The following DACH2 variants were observed in gnomAD, a reference collection of about 807,000 sequenced individuals.
The protein encoded by DACH2 is dachshund homolog 2.
In DACH2, 17 loss-of-function variants were observed where a neutral mutation model predicts 35.8. The ratio of observed to expected loss-of-function variants is 0.48; its 90% confidence interval spans 0.33 to 0.71. The LOEUF is 0.71. Among genes scored for constraint, DACH2 ranks in the 30% least tolerant of loss-of-function variants. The pLI is 0.02. For missense variants in DACH2, 469 were observed against 472.7 expected (o/e 0.99, Z 0.07); for synonymous variants, 195 against 177.3 (o/e 1.10, Z -0.79).
chrX:86,577,220 G>A (rs1468657815), intron 3 of DACH2, among the ~76,000 whole-genome samples: 1 of 111,041 alleles, frequency 9.0e-6, no homozygotes, highest in Non-Finnish European at 1.9e-5. Flanking sequence ...TTGTTTCTGA[G>A]TGCTTGTGTG....
intron 3 of DACH2, among the ~76,000 whole-genome samples, chrX:86,610,824 G>C (rs1225355243): frequency 9.0e-6 from 1 of 110,813 alleles, no homozygotes; most frequent in African/African-American, 3.3e-5. Flanking sequence ...ACTCCCTTCT[G>C]GCCCAGGGCA....
chrX:86,528,212 T>G (rs2038661743), intron 3 of DACH2, among the ~76,000 whole-genome samples: 1 of 111,297 alleles, frequency 9.0e-6, no homozygotes, highest in Non-Finnish European at 1.9e-5. Flanking sequence ...TTGCTTAGGG[T>G]CAGTCTAGTA....
At chrX:86,278,284 C>T (rs2033956777) in intron 1 of DACH2, among the ~76,000 whole-genome samples, 1 of 112,082 alleles carries the variant, frequency 8.9e-6, no homozygotes, top group South Asian at 3.7e-4. Flanking sequence ...CATCGCATAA[C>T]CAATGCTTCA....
chrX:86,450,562 A>G (rs2037357008), intron 2 of DACH2, among the ~76,000 whole-genome samples: 1 of 110,805 alleles, frequency 9.0e-6, no homozygotes, highest in Admixed American at 9.7e-5. Context: ...TGATAGAAGG[A>G]TTTATATTCC....
chrX:86,338,786 T>C (rs1412474115), intron 1 of DACH2, among the ~76,000 whole-genome samples: 1 of 111,445 alleles, frequency 9.0e-6, no homozygotes, highest in East Asian at 2.8e-4. Flanking sequence ...GGAGCTGGTT[T>C]TTTGAAAAGG....
intron 3 of DACH2, among the ~76,000 whole-genome samples, chrX:86,587,327 T>C (rs1200024265): frequency 9.0e-6 from 1 of 111,596 alleles, no homozygotes; most frequent in Non-Finnish European, 1.9e-5. Context: ...GACTATGGGG[T>C]CTTATAGATA....
At chrX:86,290,527 GT>G (rs1569332578) in intron 1 of DACH2, among the ~76,000 whole-genome samples, 1 of 102,226 alleles carries the variant, frequency 9.8e-6, no homozygotes, top group Non-Finnish European at 2.0e-5. Context: ...TAATGCCTAG[GT>G]TTTCTTCTAG....
chrX:86,560,300 C>T (rs868363294), intron 3 of DACH2, among the ~76,000 whole-genome samples: 181 of 60,899 alleles, frequency 3.0e-3, no homozygotes, highest in South Asian at 0.013. Context: ...GGGTTTCTGC[C>T]GAGAGATCCG....
At chrX:86,671,880 A>T (rs2040769407) in intron 4 of DACH2, among the ~76,000 whole-genome samples, 1 of 111,617 alleles carries the variant, frequency 9.0e-6, no homozygotes, top group Admixed American at 9.5e-5. Flanking sequence ...AGATGAGGGA[A>T]GTTTGGAACT....
intron 1 of DACH2, among the ~76,000 whole-genome samples, chrX:86,283,871 T>C (rs771870903): frequency 0.026 from 2,669 of 102,138 alleles, 70 homozygotes; most frequent in Admixed American, 0.097. Flanking sequence ...TTAAAGTATA[T>C]ACACACACAC....
chrX:86,793,178 A>T (rs762535886), intron 7 of DACH2, among the ~76,000 whole-genome samples: 1 of 110,551 alleles, frequency 9.0e-6, no homozygotes, highest in Non-Finnish European at 1.9e-5. Context: ...AGACATGTCT[A>T]TTCATGTCCT....
intron 1 of DACH2, among the ~76,000 whole-genome samples, chrX:86,196,361 A>T (rs1285153273): frequency 9.0e-6 from 1 of 111,203 alleles, no homozygotes; most frequent in Non-Finnish European, 1.9e-5. Flanking sequence ...GCTCTCTAAA[A>T]TAAGACAGGC....
At chrX:86,828,443 T>A (rs2042582186) in intron 11 of DACH2, 1 of 111,278 alleles carries the variant, frequency 9.0e-6, no homozygotes, top group Non-Finnish European at 1.9e-5. Flanking sequence ...AGCACATTCC[T>A]GATTTGTAAA....
chrX:86,402,169 C>A (rs963648874), intron 2 of DACH2, among the ~76,000 whole-genome samples: 2 of 111,353 alleles, frequency 1.8e-5, no homozygotes, highest in Admixed American at 1.9e-4. Context: ...AACATAGTGG[C>A]GGAGGTTTTA....
At chrX:86,811,397 A>G (rs1487673656) in intron 7 of DACH2, among the ~76,000 whole-genome samples, 1 of 111,724 alleles carries the variant, frequency 9.0e-6, no homozygotes, top group Non-Finnish European at 1.9e-5. Flanking sequence ...AATGAAGTCC[A>G]TATTCCATAC....
chrX:86,554,269 A>G (rs2039088077), intron 3 of DACH2, among the ~76,000 whole-genome samples: 1 of 111,459 alleles, frequency 9.0e-6, no homozygotes, highest in African/African-American at 3.3e-5. Flanking sequence ...TATTATTAAT[A>G]GTAACAATCT....
In DACH2 at chrX:86,529,508, C is replaced by T. The variant is rs369343315; in HGVS notation, c.640+15117C>T. 4.4e-4 allele frequency among the ~76,000 whole-genome samples: 46 copies of T among 104,696 alleles called. 2 individuals are homozygous for T. Among genetic ancestry groups the T allele is most frequent in the Admixed American group, 2.7e-3 (26 of 9,755 alleles). 90.9% of individuals were successfully genotyped at this position (104,696 alleles called of 115,157 possible). On this transcript the variant is annotated intron_variant, in intron 3 of 11. Coordinates refer to ENST00000373125, the MANE Select transcript of DACH2 (RefSeq NM_053281.3). ...TTTTTTTTTGAGATGGAGTCTCGCTCGTCGCCCAGGCTGGAGTGCAGTGGC... is the reference window on the plus strand; with the variant it reads ...TTTTTTTTTGAGATGGAGTCTCGCTTGTCGCCCAGGCTGGAGTGCAGTGGC...
At chrX:86,197,041 T>C (rs747716665) in intron 1 of DACH2, among the ~76,000 whole-genome samples, 4 of 111,877 alleles carry the variant, frequency 3.6e-5, no homozygotes, top group African/African-American at 1.3e-4. Context: ...AAGGGAAGCC[T>C]GTCAAACTAA....
intron 3 of DACH2, among the ~76,000 whole-genome samples, chrX:86,566,736 C>CATT (rs1342892324): frequency 1.8e-5 from 2 of 111,097 alleles, no homozygotes; most frequent in East Asian, 2.8e-4. Flanking sequence ...TCATCATCAT[C>CATT]ATCATTATAA....
Sources: allele counts gnomAD v4.1 joint callset (sites outside exome capture counted in the v4.1 genomes callset), GRCh38; gene constraint gnomAD v4.1.1; transcripts MANE v1.5; gene names NCBI Gene and HGNC (gene_info 2026-07-23, HGNC 2026-07-21).